SEMA3A: variants seen among roughly 807,000 people sequenced by gnomAD.
SEMA3A encodes the protein semaphorin 3A, also known as semaphorin-3A.
In SEMA3A, 29 loss-of-function variants were observed where a neutral mutation model predicts 97.9. The ratio of observed to expected loss-of-function variants is 0.30; its 90% CI spans 0.22 to 0.40. SEMA3A has a LOEUF of 0.40. Among genes scored for constraint, SEMA3A ranks in the 10% least tolerant of loss-of-function variants. The pLI is 1.00. For synonymous variants in SEMA3A, 321 were observed against 323.7 expected (o/e 0.99, Z 0.09); for missense variants, 763 against 951.3 (o/e 0.80, Z 2.60).
chr7:84,138,825 T>A (rs1171291859), intron 1 of SEMA3A, among the ~76,000 whole-genome samples: 2 of 152,146 alleles, frequency 1.3e-5, no homozygotes, highest in African/African-American at 4.8e-5. Context: ...TCTGGATTGC[T>A]TAGGTTATAT....
chr7:84,462,525 G>C (rs886695457), intron 1 of SEMA3A, among the ~76,000 whole-genome samples: 1 of 152,120 alleles, frequency 6.6e-6, no homozygotes, highest in Non-Finnish European at 1.5e-5. Context: ...AATTAGAATA[G>C]CTATGGTCTG....
At position 84,011,215 on chromosome 7, in the gene SEMA3A, G is replaced by A. The variant is rs1433299007; in HGVS notation, c.893C>T (p.Pro298Leu). 1.9e-6 allele frequency: 3 copies of A among 1,613,200 alleles called. No individual in the cohort carries two copies. The highest frequency in any genetic ancestry group is 2.5e-6 in the Non-Finnish European group (3 of 1,179,304). ...KARLICSVPG[P>L]NGIDTHFDEL... is the part of the protein sequence containing the mutation. ...ATCAAAATGAGTGTCAATGCCATTT[G>A]GACCTGGCACTGAGCAAATCAGACG... is the stretch of plus-strand genomic sequence containing the variant. The change falls in exon 8 of 17, where the codon CCA (proline) becomes CTA (leucine). Residue 298 changes from proline (P) to leucine (L), a missense_variant. Physicochemically the swap from Pro to Leu is moderately conservative, Grantham distance 98 (BLOSUM62 -3). This residue lies in a region of SEMA3A where 678 missense variants were observed against 881.3 expected (regional missense o/e 0.77). Coordinates refer to ENST00000265362, the MANE Select transcript of SEMA3A (RefSeq NM_006080.3).
At chr7:84,323,923 T>G (rs1415579193) in intron 2 of SEMA3A, among the ~76,000 whole-genome samples, 1 of 152,226 alleles carries the variant, frequency 6.6e-6, no homozygotes, top group East Asian at 1.9e-4. Flanking sequence ...GACTTTAAAA[T>G]CATATATAAA....
Position 84,158,416 on chromosome 7 carries a change from T to C in SEMA3A, c.113-23465A>G, listed in dbSNP as rs1298623368. Among the ~76,000 whole-genome samples, 5 of 152,200 alleles carry C rather than the reference T, an allele frequency of 3.3e-5. No individual in the cohort carries two copies. In the East Asian group the frequency reaches 9.7e-4, roughly 29 times the overall value. ...ATCCACCTGCCTCGGCCTCCCAAAGTGCTGGGATTATAGGCGTGAGCCACC... is the reference window on the plus strand; with the variant it reads ...ATCCACCTGCCTCGGCCTCCCAAAGCGCTGGGATTATAGGCGTGAGCCACC... On this transcript the variant is annotated intron_variant, in intron 1 of 16. Coordinates refer to ENST00000265362, the MANE Select transcript of SEMA3A (RefSeq NM_006080.3).
At chr7:84,062,708 C>T (rs1025897430) in intron 4 of SEMA3A, among the ~76,000 whole-genome samples, 7 of 152,326 alleles carry the variant, frequency 4.6e-5, no homozygotes, top group East Asian at 1.9e-4. Flanking sequence ...TGCGCTTTTC[C>T]GGCGGGCTTA....
At chr7:84,179,119 T>C (rs977186235) in intron 1 of SEMA3A, among the ~76,000 whole-genome samples, 1 of 152,202 alleles carries the variant, frequency 6.6e-6, no homozygotes, top group African/African-American at 2.4e-5. Context: ...TTTGACATAC[T>C]TGCCTACCTT....
chr7:84,155,889 A>G (rs752827039), intron 1 of SEMA3A, among the ~76,000 whole-genome samples: 12 of 152,148 alleles, frequency 7.9e-5, no homozygotes, highest in East Asian at 3.9e-4. Flanking sequence ...ATTTAACCCT[A>G]TGATAGATTT....
intron 11 of SEMA3A, among the ~76,000 whole-genome samples, chr7:84,003,163 A>G: frequency 6.6e-6 from 1 of 152,158 alleles, no homozygotes; most frequent in East Asian, 1.9e-4. Flanking sequence ...GATATGTTAT[A>G]TGAGATCAAG....
chr7:84,221,217 C>T (rs541119008), intron 3 of SEMA3A, among the ~76,000 whole-genome samples: 3 of 152,234 alleles, frequency 2.0e-5, no homozygotes, highest in East Asian at 3.9e-4. Context: ...AGCTTCTGCA[C>T]CTCTCTCAGC....
chr7:84,028,758 C>G (rs1308635230), intron 6 of SEMA3A, among the ~76,000 whole-genome samples: 2 of 152,110 alleles, frequency 1.3e-5, no homozygotes, highest in African/African-American at 4.8e-5. Flanking sequence ...GCGTGTGCCA[C>G]CACCCCCTGC....
chr7:84,426,009 A>C (rs1397893041), intron 1 of SEMA3A, among the ~76,000 whole-genome samples: 1 of 151,454 alleles, frequency 6.6e-6, no homozygotes, highest in Non-Finnish European at 1.5e-5. Flanking sequence ...ATTCTCATTT[A>C]TATTTGGCAG....
chr7:84,008,196 A>G (rs2116404227), intron 9 of SEMA3A, among the ~76,000 whole-genome samples: 1 of 152,266 alleles, frequency 6.6e-6, no homozygotes, highest in Middle Eastern at 3.4e-3. Context: ...AATTGCCACA[A>G]TTTTCCATTT....
chr7:83,999,410 T>C (rs1305637822), intron 12 of SEMA3A, among the ~76,000 whole-genome samples: 2 of 149,204 alleles, frequency 1.3e-5, no homozygotes, highest in Non-Finnish European at 3.0e-5. Context: ...ATTATGCACA[T>C]TCTAATTCAT....
intron 3 of SEMA3A, among the ~76,000 whole-genome samples, chr7:84,205,043 GT>G (rs1798454952): frequency 6.6e-6 from 1 of 152,186 alleles, no homozygotes; most frequent in South Asian, 2.1e-4. Flanking sequence ...ATGTGAGTGA[GT>G]TTTAATAACC....
At chr7:84,000,846 G>A (rs1234466935) in intron 12 of SEMA3A, among the ~76,000 whole-genome samples, 1 of 152,104 alleles carries the variant, frequency 6.6e-6, no homozygotes, top group Non-Finnish European at 1.5e-5. Context: ...CTACTGAAGA[G>A]TGAGGAATAA....
intron 1 of SEMA3A, among the ~76,000 whole-genome samples, chr7:84,136,714 C>G (rs933481644): frequency 9.9e-5 from 15 of 152,020 alleles, no homozygotes; most frequent in African/African-American, 3.6e-4. Context: ...GCTCATCATG[C>G]CTAACTCACA....
chr7:84,170,864 A>G (rs1262599307), intron 1 of SEMA3A, among the ~76,000 whole-genome samples: 1 of 152,090 alleles, frequency 6.6e-6, no homozygotes, highest in Non-Finnish European at 1.5e-5. Context: ...TATAACACTC[A>G]TTTAATGTTT....
In SEMA3A at chr7:84,410,706, G is replaced by A. The variant is rs80258951; in HGVS notation, c.-245-38806C>T. Among the ~76,000 whole-genome samples, 2,038 of 152,202 alleles carry A rather than the reference G, an allele frequency of 0.013. 93 individuals carry two copies. In the East Asian group the frequency reaches 0.16, roughly 12 times the overall value. ...TTTTTCGCATAAAGAAAAGAAAAAT[G>A]CAGGTATTAGAGATTCTAATTATAT... On this transcript the variant is annotated intron_variant, in intron 1 of 3. Transcript: ENST00000424555.
At chr7:84,060,052 C>T (rs1793151977) in intron 5 of SEMA3A, among the ~76,000 whole-genome samples, 1 of 152,198 alleles carries the variant, frequency 6.6e-6, no homozygotes, top group South Asian at 2.1e-4. Flanking sequence ...TAGAGGACGT[C>T]ACATCAAATA....
Sources: allele counts gnomAD v4.1 joint callset (sites outside exome capture counted in the v4.1 genomes callset), GRCh38; gene constraint gnomAD v4.1.1; regional missense constraint gnomAD v4.1.1; transcripts MANE v1.5; gene names NCBI Gene and HGNC (gene_info 2026-07-23, HGNC 2026-07-21).